The following ASTN2 variants were observed in gnomAD, a reference collection of about 807,000 sequenced individuals.
The protein encoded by ASTN2 is astrotactin 2.
Under a neutral mutation model 139.8 loss-of-function variants are expected in ASTN2, and 54 were observed. The ratio of observed to expected loss-of-function variants is 0.39; its 90% confidence interval spans 0.31 to 0.48. The LOEUF (loss-of-function observed/expected upper bound fraction) is 0.48. ASTN2 is among the 20% of genes least tolerant of loss of function. The pLI, the probability that ASTN2 is intolerant of heterozygous loss-of-function variation, is 0.95. For synonymous variants in ASTN2, 756 were observed against 719.5 expected, an observed-to-expected ratio of 1.05 and a Z score of -0.81; for missense variants, 1,565 against 1,725.1, an observed-to-expected ratio of 0.91 and a Z score of 1.64.
chr9:116,713,591 G>A (rs1223429904), intron 16 of ASTN2, among the ~76,000 whole-genome samples: 3 of 152,186 alleles, frequency 2.0e-5, no homozygotes, highest in Non-Finnish European at 2.9e-5. Context: ...GCAGGGAGAA[G>A]AGAAATGCCA....
At chr9:116,744,140 A>G (rs1244039255) in intron 13 of ASTN2, among the ~76,000 whole-genome samples, 4 of 152,148 alleles carry the variant, frequency 2.6e-5, no homozygotes, top group Non-Finnish European at 5.9e-5. Flanking sequence ...AAAGAACAGC[A>G]TGCACAAAAG....
chr9:116,783,949 G>A (rs1271721613), intron 13 of ASTN2, among the ~76,000 whole-genome samples: 2 of 152,030 alleles, frequency 1.3e-5, no homozygotes, highest in Admixed American at 6.6e-5. Context: ...ATAATGAAGA[G>A]TCAAGAGTCA....
At chr9:117,158,785 C>T (rs1830484257) in intron 3 of ASTN2, among the ~76,000 whole-genome samples, 2 of 151,962 alleles carry the variant, frequency 1.3e-5, no homozygotes, top group Admixed American at 1.3e-4. Flanking sequence ...CAAATATTTA[C>T]ACTGTCCTAT....
intron 1 of ASTN2, among the ~76,000 whole-genome samples, chr9:117,373,871 A>G (rs1351321337): frequency 1.3e-5 from 2 of 152,228 alleles, no homozygotes; most frequent in African/African-American, 4.8e-5. Context: ...CAGGTTGGAC[A>G]GCACATATCC....
intron 10 of ASTN2, among the ~76,000 whole-genome samples, chr9:116,919,567 AAAC>A (rs1201647448): frequency 2.6e-5 from 4 of 152,062 alleles, no homozygotes; most frequent in Non-Finnish European, 5.9e-5. Context: ...TGCTTCTTAA[AAAC>A]AACAAGGTCC....
In ASTN2 at chr9:117,414,564, G is replaced by C. The variant is rs775803956; in HGVS notation, c.375C>G (p.Asn125Lys). ...AESRLLLFVR[N>K]ELPGRIAVQD... ...GCACCGCGATGCGCCCCGGCAGCTC[G>C]TTACGCACAAAGAGCAGGAGGCGCG... Residue 125 changes from asparagine to lysine, a missense_variant, in exon 1 of 23, where the codon AAC becomes AAG. Asn to Lys is a moderately conservative substitution (Grantham distance 94). Coordinates refer to ENST00000313400, the MANE Select transcript of ASTN2 (RefSeq NM_001365068.1). This position sits in a 1 kb window ranked among gnomAD's most constrained non-coding sequence, Gnocchi z 4.2. 13 of 1,603,022 alleles carry C rather than the reference G, an allele frequency of 8.1e-6. No homozygotes were observed. Among genetic ancestry groups the C allele is most frequent in the Admixed American group, 5.0e-5 (3 of 59,570 alleles).
chr9:116,622,630 G>A (rs1414739778), intron 17 of ASTN2, among the ~76,000 whole-genome samples: 2 of 152,204 alleles, frequency 1.3e-5, no homozygotes, highest in African/African-American at 2.4e-5. Flanking sequence ...GACTCCCAAG[G>A]GCAGGTCTTT....
At chr9:116,757,786 C>T (rs1829573911) in intron 13 of ASTN2, among the ~76,000 whole-genome samples, 2 of 152,150 alleles carry the variant, frequency 1.3e-5, no homozygotes, top group African/African-American at 4.8e-5. Flanking sequence ...GTAAAGATGG[C>T]TGATTGGCCC....
chr9:117,154,644 CTTAA>C (rs1227674292), intron 3 of ASTN2, among the ~76,000 whole-genome samples: 1 of 151,984 alleles, frequency 6.6e-6, no homozygotes, highest in African/African-American at 2.4e-5. Flanking sequence ...TTAACACATC[CTTAA>C]TTAAACAGTA....
chr9:117,257,508 A>C (rs775663061), intron 2 of ASTN2, among the ~76,000 whole-genome samples: 2 of 152,368 alleles, frequency 1.3e-5, no homozygotes, highest in South Asian at 4.1e-4. Flanking sequence ...TGCAAGCTGA[A>C]GCTTAAAGAT....
At chr9:116,973,585 T>C (rs989953187) in intron 10 of ASTN2, among the ~76,000 whole-genome samples, 3 of 152,204 alleles carry the variant, frequency 2.0e-5, no homozygotes, top group East Asian at 1.9e-4. Flanking sequence ...AGACTTTCTT[T>C]TCAGCTGATT....
chr9:116,509,413 G>C (rs1044673944), intron 19 of ASTN2, among the ~76,000 whole-genome samples: 2 of 152,122 alleles, frequency 1.3e-5, no homozygotes, highest in Non-Finnish European at 2.9e-5. Context: ...TATCATTGAT[G>C]GACATTTGGG....
intron 13 of ASTN2, among the ~76,000 whole-genome samples, chr9:116,802,160 C>A (rs1347196331): frequency 6.7e-6 from 1 of 148,376 alleles, no homozygotes; most frequent in Admixed American, 6.8e-5. Context: ...ACTATAGGCT[C>A]ACTGCAAGCT....
intron 10 of ASTN2, among the ~76,000 whole-genome samples, chr9:116,972,690 G>T (rs905950712): frequency 1.3e-5 from 2 of 152,118 alleles, no homozygotes; most frequent in African/African-American, 4.8e-5. Flanking sequence ...GCCTTGGTAA[G>T]TCACAGCCTG....
At chr9:117,061,411 T>A (rs1170294157) in intron 5 of ASTN2, among the ~76,000 whole-genome samples, 5 of 152,356 alleles carry the variant, frequency 3.3e-5, no homozygotes, top group African/African-American at 1.2e-4. Context: ...TTCCTCCATT[T>A]TTTTTAATGG....
intron 20 of ASTN2, among the ~76,000 whole-genome samples, chr9:116,475,456 G>C (rs1281774526): frequency 6.6e-6 from 1 of 151,910 alleles, no homozygotes; most frequent in African/African-American, 2.4e-5. Flanking sequence ...CCCACTGAAG[G>C]CCAGTAATAG....
chr9:116,865,865 TATTC>T (rs943812285), intron 10 of ASTN2, among the ~76,000 whole-genome samples: 1 of 152,166 alleles, frequency 6.6e-6, no homozygotes, highest in African/African-American at 2.4e-5. Flanking sequence ...AAACTCTTCA[TATTC>T]ATTCATTCAT....
At position 116,425,580 on chromosome 9, in the gene ASTN2, A is replaced by T. The variant is rs1040520827; in HGVS notation, c.*271T>A. The T allele has an allele frequency of 6.2e-7, 1 of 1,613,320 alleles. No homozygotes were observed. Among genetic ancestry groups the T allele is most frequent in the African/African-American group, 1.3e-5 (1 of 74,856 alleles). ...TGCCTCGGGATTGACAGCCATCCAT[A>T]AGAAAAGGTTTAAAAAGGAGAGACT... On this transcript the variant is annotated 3_prime_UTR_variant, in exon 23 of 23. Transcript: ENST00000313400.
In ASTN2 at chr9:116,568,109, A is replaced by G. The variant is rs147221828; in HGVS notation, c.3355+50215T>C. 9.8e-4 allele frequency among the ~76,000 whole-genome samples: 150 copies of G among 152,320 alleles called. 1 individual carries two copies. The highest frequency in any genetic ancestry group is 3.5e-3 in the African/African-American group (146 of 41,574). On this transcript the variant is annotated intron_variant, in intron 19 of 22. Coordinates refer to ENST00000313400, the MANE Select transcript of ASTN2 (RefSeq NM_001365068.1). ...TAAAGGCCTAAGTATTCTTCTCTAG[A>G]TGTCATTAATAATTCAGATGAAGCC... is the stretch of plus-strand genomic sequence containing the variant.
Sources: gnomAD v4.1 joint callset for allele counts (sites outside exome capture counted in the v4.1 genomes callset) on GRCh38, gnomAD v4.1.1 for gene constraint, Gnocchi (gnomAD v3.1) non-coding constraint, MANE v1.5 for transcripts, NCBI Gene and HGNC (gene_info 2026-07-23, HGNC 2026-07-21) for gene names.